Variants in FSIP1 observed in about 807,000 individuals in gnomAD.
The protein encoded by FSIP1 is fibrous sheath-interacting protein 1.
In FSIP1, 65 loss-of-function variants were observed where a neutral mutation model predicts 60.9. That is an observed-to-expected ratio of 1.07 (90% CI 0.87 to 1.31). The LOEUF is 1.31. FSIP1 is among the 40% of genes most tolerant of loss of function. FSIP1 has a pLI of 0.00. For synonymous variants in FSIP1, 209 were observed against 221.2 expected (o/e 0.94, Z 0.49); for missense variants, 675 against 665.5 (o/e 1.01, Z -0.16).
rs73395224 is a variant in FSIP1 at position 39,695,918 on chromosome 15, T to C, written c.1188+17526A>G. On this transcript the variant is annotated intron_variant, in intron 10 of 11. Transcript: ENST00000350221. ...TATCTAAACCTTAGATACTAAGAAATGAAGGTAAGAAGAGATTAGCAGCAA... is the reference window on the plus strand; with the variant it reads ...TATCTAAACCTTAGATACTAAGAAACGAAGGTAAGAAGAGATTAGCAGCAA... Among the ~76,000 whole-genome samples the C allele has an allele frequency of 9.4e-3, 1,425 of 152,314 alleles. 21 individuals carry two copies. Among genetic ancestry groups the C allele is most frequent in the African/African-American group, 0.032 (1,345 of 41,564 alleles).
intron 10 of FSIP1, among the ~76,000 whole-genome samples, chr15:39,633,552 T>C (rs1305596910): frequency 6.6e-6 from 1 of 152,192 alleles, no homozygotes; most frequent in Non-Finnish European, 1.5e-5. Flanking sequence ...CATGAACCTA[T>C]TAATGCACAG....
chr15:39,657,900 T>C (rs1469375425), intron 10 of FSIP1, among the ~76,000 whole-genome samples: 1 of 152,140 alleles, frequency 6.6e-6, no homozygotes, highest in Admixed American at 6.5e-5. Flanking sequence ...AAAGAAGTCA[T>C]CAACAAAAAA....
At chr15:39,619,609 T>C (rs1387931525) in intron 10 of FSIP1, among the ~76,000 whole-genome samples, 1 of 152,216 alleles carries the variant, frequency 6.6e-6, no homozygotes, top group Non-Finnish European at 1.5e-5. Context: ...AATCCAGATA[T>C]AGTATTTTAT....
At chr15:39,740,616 C>T (rs1237611767) in intron 6 of FSIP1, among the ~76,000 whole-genome samples, 3 of 152,064 alleles carry the variant, frequency 2.0e-5, no homozygotes, top group Admixed American at 1.3e-4. Context: ...GAAAAAAACA[C>T]CAGTCACAAG....
chr15:39,600,958 G>A, intron 11 of FSIP1, 32 bp from the exon 12 acceptor site: 1 of 1,551,432 alleles, frequency 6.4e-7, no homozygotes. Context: ...ACAGTTATTA[G>A]AGATTCAGAA....
intron 10 of FSIP1, among the ~76,000 whole-genome samples, chr15:39,650,605 A>G (rs2140435234): frequency 6.6e-6 from 1 of 152,330 alleles, no homozygotes; most frequent in East Asian, 1.9e-4. Context: ...AATGGCAAAA[A>G]GACAACAGCA....
At chr15:39,648,344 G>A (rs568065827) in intron 10 of FSIP1, among the ~76,000 whole-genome samples, 1 of 152,184 alleles carries the variant, frequency 6.6e-6, no homozygotes, top group South Asian at 2.1e-4. Context: ...AGAATTGAAG[G>A]TTTTGTACTA....
At chr15:39,696,948 AT>A (rs1310693859) in intron 10 of FSIP1, among the ~76,000 whole-genome samples, 1 of 143,976 alleles carries the variant, frequency 6.9e-6, no homozygotes, top group Non-Finnish European at 1.5e-5. Flanking sequence ...GAAGGTAAGC[AT>A]TTGGGGTATG....
intron 8 of FSIP1, among the ~76,000 whole-genome samples, chr15:39,730,679 C>G (rs1455333179): frequency 6.6e-6 from 1 of 152,126 alleles, no homozygotes; most frequent in Non-Finnish European, 1.5e-5. Flanking sequence ...ACACTCCTCC[C>G]CACCCTCTGA....
chr15:39,771,939 C>G (rs1166722), intron 2 of FSIP1, among the ~76,000 whole-genome samples: 89,370 of 151,956 alleles, frequency 0.59, 26,816 homozygotes, highest in African/African-American at 0.69. Flanking sequence ...TGGTATAAAG[C>G]AACTTAGCAG....
chr15:39,650,965 G>A (rs144747396), intron 10 of FSIP1, among the ~76,000 whole-genome samples: 37 of 152,236 alleles, frequency 2.4e-4, no homozygotes, highest in African/African-American at 6.5e-4. Flanking sequence ...GGAATGACTC[G>A]GCAATCACAG....
At chr15:39,776,197 A>AGAGGGAGGGAGG (rs367626075) in intron 2 of FSIP1, among the ~76,000 whole-genome samples, 11 of 30,698 alleles carry the variant, frequency 3.6e-4, no homozygotes, top group African/African-American at 9.4e-4. Flanking sequence ...GGGAGGAGAG[A>AGAGGGAGGGAGG]GAGGGAGGGA....
intron 10 of FSIP1, among the ~76,000 whole-genome samples, chr15:39,665,470 T>G (rs1361994296): frequency 6.6e-6 from 1 of 152,202 alleles, no homozygotes; most frequent in Non-Finnish European, 1.5e-5. Flanking sequence ...TTGCAGAAGT[T>G]ATTTAGTCAT....
intron 5 of FSIP1, among the ~76,000 whole-genome samples, chr15:39,744,548 G>A (rs1896920401): frequency 6.6e-6 from 1 of 152,106 alleles, no homozygotes; most frequent in Non-Finnish European, 1.5e-5. Context: ...AATCCTGGAG[G>A]TGCATAGAGA....
chr15:39,670,893 T>C (rs1415805220), intron 10 of FSIP1, among the ~76,000 whole-genome samples: 2 of 152,344 alleles, frequency 1.3e-5, no homozygotes, highest in Middle Eastern at 6.8e-3. Flanking sequence ...CTATTTTTCA[T>C]TTTAGAATTC....
chr15:39,761,530 T>C (rs1595395975), intron 5 of FSIP1, among the ~76,000 whole-genome samples: 1 of 152,178 alleles, frequency 6.6e-6, no homozygotes. Context: ...ATTGTACTCA[T>C]AGAAGCAGAG....
At chr15:39,669,353 T>C (rs1355680876) in intron 10 of FSIP1, among the ~76,000 whole-genome samples, 1 of 152,222 alleles carries the variant, frequency 6.6e-6, no homozygotes, top group Non-Finnish European at 1.5e-5. Context: ...CCCTTCCTTT[T>C]ACAAGTAATG....
intron 1 of FSIP1, among the ~76,000 whole-genome samples, chr15:39,781,496 CA>C (rs202214238): frequency 2.7e-5 from 4 of 150,842 alleles, no homozygotes; most frequent in South Asian, 2.1e-4. Flanking sequence ...TTCACACACA[CA>C]AAAAAAAACC....
intron 10 of FSIP1, among the ~76,000 whole-genome samples, chr15:39,676,149 G>A (rs1893930366): frequency 6.9e-6 from 1 of 145,530 alleles, no homozygotes; most frequent in Admixed American, 7.0e-5. Flanking sequence ...CTTCAGCCTG[G>A]GTGACAGAGT....
Sources: gnomAD v4.1 joint callset for allele counts (sites outside exome capture counted in the v4.1 genomes callset) on GRCh38, gnomAD v4.1.1 for gene constraint, MANE v1.5 for transcripts, NCBI Gene and HGNC (gene_info 2026-07-23, HGNC 2026-07-21) for gene names.